The following AK8 variants were observed in gnomAD, a reference collection of about 807,000 sequenced individuals.
AK8 encodes ATP-AMP transphosphorylase 8.
Under a neutral mutation model 54.6 loss-of-function variants are expected in AK8, and 44 were observed. That is an observed-to-expected ratio of 0.81 (90% CI 0.63 to 1.04). AK8 has a LOEUF of 1.04. AK8 is among the 50% of genes least tolerant of loss of function. The probability of loss-of-function intolerance (pLI) is 0.00; values close to 1 mark genes in which losing one functional copy is unlikely to be tolerated. For missense variants in AK8, 555 were observed against 613.6 expected, an observed-to-expected ratio of 0.90 and a Z score of 1.01; for synonymous variants, 239 against 245.6, an observed-to-expected ratio of 0.97 and a Z score of 0.25.
At chr9:132,857,474 G>C (rs892188194) in intron 4 of AK8, among the ~76,000 whole-genome samples, 2 of 152,070 alleles carry the variant, frequency 1.3e-5, no homozygotes, top group Non-Finnish European at 2.9e-5. Context: ...GGCAAGGGAA[G>C]GGGTGGACAG....
intron 11 of AK8, among the ~76,000 whole-genome samples, chr9:132,757,604 T>C (rs59863764): frequency 0.035 from 5,284 of 152,246 alleles, 326 homozygotes; most frequent in African/African-American, 0.12. Context: ...TGTGGACTGC[T>C]AATTCCACTT....
intron 11 of AK8, among the ~76,000 whole-genome samples, chr9:132,736,461 T>C (rs1837118688): frequency 6.7e-6 from 1 of 150,140 alleles, no homozygotes; most frequent in African/African-American, 2.4e-5. Context: ...GTGTTGGGGT[T>C]ACAGGCGTGA....
intron 9 of AK8, among the ~76,000 whole-genome samples, chr9:132,816,374 G>C (rs1029650933): frequency 2.7e-5 from 4 of 150,936 alleles, no homozygotes; most frequent in Admixed American, 2.0e-4. Flanking sequence ...AAAAGAAAAA[G>C]AAAGAAAAGA....
chr9:132,812,545 C>T (rs147445008), intron 10 of AK8, among the ~76,000 whole-genome samples: 9,604 of 101,388 alleles, frequency 0.095, 463 homozygotes, highest in East Asian at 0.13. Flanking sequence ...ACTGGGATGA[C>T]GGGTGAGCCG....
At chr9:132,800,908 T>G (rs2131200360) in intron 10 of AK8, among the ~76,000 whole-genome samples, 1 of 150,712 alleles carries the variant, frequency 6.6e-6, no homozygotes, top group South Asian at 2.1e-4. Flanking sequence ...CAGTGAATAT[T>G]TCAGTTTGTC....
At chr9:132,816,330 G>A (rs549192768) in intron 9 of AK8, among the ~76,000 whole-genome samples, 80 of 151,626 alleles carry the variant, frequency 5.3e-4, no homozygotes, top group African/African-American at 1.7e-3. Context: ...ACTCCAGCCT[G>A]GGTGACAGAG....
intron 5 of AK8, among the ~76,000 whole-genome samples, chr9:132,842,065 G>C (rs147641432): frequency 7.9e-5 from 12 of 152,280 alleles, no homozygotes; most frequent in African/African-American, 2.6e-4. Flanking sequence ...CAAGGAAGAA[G>C]TCGCTAAACA....
chr9:132,750,637 A>AG (rs147846460), intron 11 of AK8, among the ~76,000 whole-genome samples: 1,582 of 152,088 alleles, frequency 0.01, 33 homozygotes, highest in African/African-American at 0.036. Context: ...AGCAAAGATA[A>AG]GGGTTCAGAT....
rs1313179972 is a variant in AK8 at position 132,878,065 on chromosome 9, G to T, written c.84+107C>A. ...TACATCCCGAGTTGGGCTGCTTCGTGGGCGCGCGACTCGGCCCCAGCTGCG... is the reference window on the plus strand; with the variant it reads ...TACATCCCGAGTTGGGCTGCTTCGTTGGCGCGCGACTCGGCCCCAGCTGCG... On this transcript the variant is annotated intron_variant, in intron 1 of 12. Transcript: ENST00000298545. The surrounding 1 kb of genome is among the most constrained non-coding windows in gnomAD (Gnocchi z 4.7). 1 of 1,536,566 alleles carries T rather than the reference G, an allele frequency of 6.5e-7. No homozygotes were observed. The highest frequency in any genetic ancestry group is 1.4e-5 in the African/African-American group (1 of 72,520).
At chr9:132,875,237 T>A in intron 1 of AK8, 38 bp from the exon 2 acceptor site, 2 of 1,610,812 alleles carry the variant, frequency 1.2e-6, no homozygotes, top group Non-Finnish European at 1.7e-6. Context: ...GGTTAATACC[T>A]GCAAGGGCAC....
chr9:132,812,228 CT>C (rs528951216), intron 10 of AK8, among the ~76,000 whole-genome samples: 313 of 92,556 alleles, frequency 3.4e-3, no homozygotes, highest in African/African-American at 9.3e-3. Flanking sequence ...GCTACTGTGG[CT>C]TTTTTTTTTT....
At chr9:132,796,743 T>C (rs767937154) in intron 10 of AK8, among the ~76,000 whole-genome samples, 4 of 151,604 alleles carry the variant, frequency 2.6e-5, no homozygotes, top group Non-Finnish European at 5.9e-5. Context: ...TATGTGACTA[T>C]ATTAATATAT....
chr9:132,782,559 C>T (rs1321423332), intron 11 of AK8, among the ~76,000 whole-genome samples: 2 of 152,084 alleles, frequency 1.3e-5, no homozygotes, highest in African/African-American at 2.4e-5. Flanking sequence ...CATGGTGGCA[C>T]GCGCCTGTAA....
chr9:132,817,382 G>C (rs568859241), intron 9 of AK8, among the ~76,000 whole-genome samples: 1 of 152,312 alleles, frequency 6.6e-6, no homozygotes, highest in South Asian at 2.1e-4. Context: ...CCTATGAGGA[G>C]AGAAAACAGG....
intron 5 of AK8, among the ~76,000 whole-genome samples, chr9:132,854,030 A>C (rs72759423): frequency 6.6e-6 from 1 of 151,928 alleles, no homozygotes; most frequent in Non-Finnish European, 1.5e-5. Context: ...GTGAAACTCT[A>C]TCTCTACAAA....
At chr9:132,739,902 A>G (rs1394903107) in intron 11 of AK8, among the ~76,000 whole-genome samples, 1 of 152,272 alleles carries the variant, frequency 6.6e-6, no homozygotes, top group Non-Finnish European at 1.5e-5. Flanking sequence ...AAGTAGTGGC[A>G]GAACAAGGCC....
At chr9:132,757,925 G>C (rs1490085883) in intron 11 of AK8, among the ~76,000 whole-genome samples, 1 of 152,232 alleles carries the variant, frequency 6.6e-6, no homozygotes, top group Non-Finnish European at 1.5e-5. Flanking sequence ...TGAGCACGAG[G>C]AGGGCAATTC....
chr9:132,759,152 C>T (rs936213762), intron 11 of AK8, among the ~76,000 whole-genome samples: 3 of 147,530 alleles, frequency 2.0e-5, no homozygotes, highest in Admixed American at 1.4e-4. Flanking sequence ...GCTGTGATCA[C>T]GCCACTGCAC....
At chr9:132,812,564 G>GGGATGACGGGTGAGCCGCCGCGCCCA (rs1564415185) in intron 10 of AK8, among the ~76,000 whole-genome samples, 5 of 10,776 alleles carry the variant, frequency 4.6e-4, no homozygotes, top group Non-Finnish European at 5.2e-4. Flanking sequence ...CGCCGCGCCC[G>GGGATGACGGGTGAGCCGCCGCGCCCA]GCCGCTAGGT....
Sources: gnomAD v4.1 joint callset for allele counts (sites outside exome capture counted in the v4.1 genomes callset) on GRCh38, gnomAD v4.1.1 for gene constraint, Gnocchi (gnomAD v3.1) non-coding constraint, MANE v1.5 for transcripts, NCBI Gene and HGNC (gene_info 2026-07-23, HGNC 2026-07-21) for gene names.